Variants in ST6GALNAC3 observed in about 807,000 individuals in gnomAD.
The protein encoded by ST6GALNAC3 is ST6 N-acetylgalactosaminide alpha-2,6-sialyltransferase 3.
Under a neutral mutation model 32.7 loss-of-function variants are expected in ST6GALNAC3, and 25 were observed. The ratio of observed to expected loss-of-function variants is 0.76; its 90% CI spans 0.56 to 1.07. The LOEUF (loss-of-function observed/expected upper bound fraction) is 1.07, where lower values mean the gene tolerates loss of function less well. Ranked by LOEUF, ST6GALNAC3 falls within the 50% of genes least tolerant of loss-of-function variation. ST6GALNAC3 has a pLI of 0.00. For synonymous variants in ST6GALNAC3, 129 were observed against 133.1 expected (o/e 0.97, Z 0.21); for missense variants, 355 against 382.4 (o/e 0.93, Z 0.60).
chr1:76,357,728 T>G (rs908637839), intron 2 of ST6GALNAC3, among the ~76,000 whole-genome samples: 1 of 152,216 alleles, frequency 6.6e-6, no homozygotes, highest in African/African-American at 2.4e-5. Flanking sequence ...TCTTTGATCC[T>G]TTCCCCTTGG....
At chr1:76,137,871 G>T (rs1650048863) in intron 1 of ST6GALNAC3, among the ~76,000 whole-genome samples, 1 of 152,146 alleles carries the variant, frequency 6.6e-6, no homozygotes, top group African/African-American at 2.4e-5. Context: ...ATTCACTGTT[G>T]CCCTGAGGAA....
chr1:76,544,591 C>T (rs547895245), intron 3 of ST6GALNAC3, among the ~76,000 whole-genome samples: 3 of 152,250 alleles, frequency 2.0e-5, no homozygotes, highest in African/African-American at 7.2e-5. Context: ...ATTTAATACA[C>T]CATTTACTGA....
intron 1 of ST6GALNAC3, among the ~76,000 whole-genome samples, chr1:76,117,753 C>T (rs1441796301): frequency 1.3e-5 from 2 of 152,126 alleles, no homozygotes; most frequent in Non-Finnish European, 2.9e-5. Context: ...AGTAACTAAG[C>T]TAATTGGGAA....
At chr1:76,193,820 T>C (rs184755394) in intron 1 of ST6GALNAC3, among the ~76,000 whole-genome samples, 5 of 152,338 alleles carry the variant, frequency 3.3e-5, no homozygotes, top group Admixed American at 2.6e-4. Context: ...TGATTTCTAG[T>C]GAGGACTTTC....
intron 1 of ST6GALNAC3, among the ~76,000 whole-genome samples, chr1:76,237,412 G>T (rs189245306): frequency 2.0e-5 from 3 of 152,288 alleles, no homozygotes; most frequent in East Asian, 1.9e-4. Context: ...GATTACATAC[G>T]CCTGGTGTGG....
rs546076736 is a variant in ST6GALNAC3 at position 76,317,036 on chromosome 1, T to A, written c.213+3037T>A. On this transcript the variant is annotated intron_variant, in intron 2 of 4. Transcript: ENST00000328299. Reference sequence around the variant, plus strand: ...TGGTCTATGCATGATAGACCCCATATTGCATCATGAATGCAGGTGATAGAG... The same window carrying A: ...TGGTCTATGCATGATAGACCCCATAATGCATCATGAATGCAGGTGATAGAG... 4.7e-4 allele frequency among the ~76,000 whole-genome samples: 71 copies of A among 152,294 alleles called. 2 individuals are homozygous for A. The highest frequency in any genetic ancestry group is 1.6e-3 in the African/African-American group (66 of 41,586).
intron 1 of ST6GALNAC3, among the ~76,000 whole-genome samples, chr1:76,149,685 A>T (rs184749820): frequency 0.012 from 1,868 of 151,908 alleles, 40 homozygotes; most frequent in African/African-American, 0.043. Context: ...TCCATTGTGT[A>T]TTTTTATCAC....
At chr1:76,104,610 CT>C (rs11430411) in intron 1 of ST6GALNAC3, among the ~76,000 whole-genome samples, 2,805 of 134,380 alleles carry the variant, frequency 0.021, 79 homozygotes, top group African/African-American at 0.063. Flanking sequence ...TGGCCTGACG[CT>C]TTTTTTTTTT....
chr1:76,456,389 C>A (rs542902896), intron 3 of ST6GALNAC3, among the ~76,000 whole-genome samples: 1 of 151,576 alleles, frequency 6.6e-6, no homozygotes, highest in Non-Finnish European at 1.5e-5. Flanking sequence ...TTCTGTTGCC[C>A]AAGTTGGAGT....
chr1:76,325,132 T>C lies in ST6GALNAC3; in HGVS notation c.213+11133T>C, dbSNP rs112232875. 8.0e-4 allele frequency among the ~76,000 whole-genome samples: 122 copies of C among 152,306 alleles called. 1 individual carries two copies. Among genetic ancestry groups the C allele is most frequent in the Middle Eastern group, 3.4e-3 (1 of 294 alleles). ...GACCTGTGCATCTGGAAGGTTGGAATTGTCATTGACTGAGATGGAGAAGAC... is the reference window on the plus strand; with the variant it reads ...GACCTGTGCATCTGGAAGGTTGGAACTGTCATTGACTGAGATGGAGAAGAC... On this transcript the variant is annotated intron_variant, in intron 2 of 4. Coordinates refer to ENST00000328299, the MANE Select transcript of ST6GALNAC3 (RefSeq NM_152996.4).
At chr1:76,600,046 T>A (rs1353763443) in intron 3 of ST6GALNAC3, among the ~76,000 whole-genome samples, 5 of 152,130 alleles carry the variant, frequency 3.3e-5, no homozygotes, top group Non-Finnish European at 7.3e-5. Context: ...AAATCTTGCC[T>A]CCCTACTGTG....
intron 1 of ST6GALNAC3, among the ~76,000 whole-genome samples, chr1:76,308,158 C>A (rs958683207): frequency 6.6e-6 from 1 of 152,126 alleles, no homozygotes; most frequent in Non-Finnish European, 1.5e-5. Flanking sequence ...CAAGGGTTTG[C>A]AGCTGCTTGG....
At chr1:76,155,634 A>AT (rs767457825) in intron 1 of ST6GALNAC3, among the ~76,000 whole-genome samples, 13,735 of 143,526 alleles carry the variant, frequency 0.096, 669 homozygotes, top group Non-Finnish European at 0.11. Flanking sequence ...CGCCTGGCTA[A>AT]TTTTTTTTTT....
At chr1:76,472,631 A>G (rs965348728) in intron 3 of ST6GALNAC3, among the ~76,000 whole-genome samples, 2 of 152,142 alleles carry the variant, frequency 1.3e-5, no homozygotes, top group Non-Finnish European at 2.9e-5. Context: ...CTTTTCCTCT[A>G]TAAAATGGGA....
chr1:76,397,306 A>G (rs1303803488), intron 2 of ST6GALNAC3, among the ~76,000 whole-genome samples: 1 of 151,928 alleles, frequency 6.6e-6, no homozygotes, highest in Non-Finnish European at 1.5e-5. Flanking sequence ...TTTTCCTGAA[A>G]AACCACTTGT....
chr1:76,390,946 A>ATTTTTTTTTTTTTTT (rs58114434), intron 2 of ST6GALNAC3, among the ~76,000 whole-genome samples: 1 of 120,984 alleles, frequency 8.3e-6, no homozygotes, highest in Non-Finnish European at 1.9e-5. Flanking sequence ...ATATATATGT[A>ATTTTTTTTTTTTTTT]TTTTTTTTTT....
intron 1 of ST6GALNAC3, among the ~76,000 whole-genome samples, chr1:76,108,433 T>C (rs1011871456): frequency 6.6e-6 from 1 of 152,232 alleles, no homozygotes; most frequent in African/African-American, 2.4e-5. Flanking sequence ...CCTAGCTTGG[T>C]GCACTACCTT....
chr1:76,424,680 GA>G (rs1655251154), intron 3 of ST6GALNAC3, among the ~76,000 whole-genome samples: 1 of 151,950 alleles, frequency 6.6e-6, no homozygotes, highest in African/African-American at 2.4e-5. Context: ...TAATGTTTGT[GA>G]TTAAAACTGT....
intron 1 of ST6GALNAC3, among the ~76,000 whole-genome samples, chr1:76,188,134 TG>T (rs927176537): frequency 6.6e-6 from 1 of 151,952 alleles, no homozygotes; most frequent in African/African-American, 2.4e-5. Flanking sequence ...GAGGCCGAGG[TG>T]GGTGGATCAC....
Sources: gnomAD v4.1 joint callset for allele counts (sites outside exome capture counted in the v4.1 genomes callset) on GRCh38, gnomAD v4.1.1 for gene constraint, MANE v1.5 for transcripts, NCBI Gene and HGNC (gene_info 2026-07-23, HGNC 2026-07-21) for gene names.